CYP2F1: variants seen among roughly 807,000 people sequenced by gnomAD.
CYP2F1 encodes the protein cytochrome P450 2F1.
A neutral mutation model predicts 40.4 loss-of-function variants in CYP2F1; 33 were observed. That is an observed-to-expected ratio of 0.82 (90% confidence interval 0.62 to 1.09). CYP2F1 has a LOEUF of 1.09. Among genes scored for constraint, CYP2F1 ranks in the 50% least tolerant of loss-of-function variants. The pLI is 0.00. For synonymous variants in CYP2F1, 235 were observed against 277.2 expected, an observed-to-expected ratio of 0.85 and a Z score of 1.51; for missense variants, 566 against 655.7, an observed-to-expected ratio of 0.86 and a Z score of 1.49.
At chr19:41,123,044 C>T in intron 7 of CYP2F1, 81 bp downstream of exon 7, 10 of 1,490,386 alleles carry the variant, frequency 6.7e-6, no homozygotes, top group African/African-American at 4.2e-5. Flanking sequence ...GGCCCCGCCT[C>T]CCAGGTCTGA....
chr19:41,123,105 A>C (rs777262251), intron 7 of CYP2F1, 142 bp downstream of exon 7: 17 of 926,278 alleles, frequency 1.8e-5, no homozygotes, highest in Non-Finnish European at 2.7e-5. Flanking sequence ...ACAAACCCAC[A>C]CGGAGGCCGA....
At chr19:41,118,301 TGAAG>T (rs201818161) in intron 3 of CYP2F1, among the ~76,000 whole-genome samples, 217 of 151,392 alleles carry the variant, frequency 1.4e-3, no homozygotes, top group East Asian at 0.011. Flanking sequence ...AGGGAAAGAA[TGAAG>T]GAAGGAAGGA....
chr19:41,118,203 C>A (rs1000247990), intron 3 of CYP2F1, among the ~76,000 whole-genome samples: 45 of 151,272 alleles, frequency 3.0e-4, no homozygotes, highest in Non-Finnish European at 1.5e-5. Flanking sequence ...TGACAAGACC[C>A]AATAAATGAT....
At position 41,119,744 on chromosome 19, in the gene CYP2F1, TATATAC is replaced by T. The variant is rs1295046055; in HGVS notation, c.335-601_335-596del. Among the ~76,000 whole-genome samples the T allele has an allele frequency of 3.9e-4, 25 of 63,900 alleles. 1 individual carries two copies. The highest frequency in any genetic ancestry group is 1.2e-3 in the African/African-American group (21 of 17,486). The allele number at this position is 63,900 out of a possible 152,430, so 41.9% of individuals were successfully genotyped here. A position where few individuals can be genotyped will look rare whatever the true frequency, so the allele number is the denominator to read the frequency against. ...CTCTCTATATATATATATATATATATATATACACACACACACACACACACACACACA... is the reference window on the plus strand; with the variant it reads ...CTCTCTATATATATATATATATATATACACACACACACACACACACACACA... On this transcript the variant is annotated intron_variant, in intron 3 of 9. Coordinates refer to ENST00000331105, the MANE Select transcript of CYP2F1 (RefSeq NM_000774.5).
intron 4 of CYP2F1, among the ~76,000 whole-genome samples, chr19:41,121,195 T>C (rs1190486793): frequency 6.6e-6 from 1 of 152,110 alleles, no homozygotes; most frequent in Non-Finnish European, 1.5e-5. Flanking sequence ...GTGTGTTGTG[T>C]TGCCAAGAAT....
chr19:41,125,036 A>T, intron 8 of CYP2F1, 130 bp downstream of exon 8: 1 of 752,548 alleles, frequency 1.3e-6, no homozygotes, highest in South Asian at 1.9e-5. Flanking sequence ...CCCAAGCCCT[A>T]GCTACAGACA....
Position 41,122,841 on chromosome 19 carries a change from G to A in CYP2F1, c.842G>A (p.Ser281Asn). The change falls in exon 7 of 10, where the codon AGC (serine) becomes AAC (asparagine). Residue 281 changes from serine (S) to asparagine (N), a missense_variant. Around this residue, in one of 5 missense-constraint regions of CYP2F1, gnomAD observed 62 missense variants for 105.6 expected, o/e 0.59. Coordinates refer to ENST00000331105, the MANE Select transcript of CYP2F1 (RefSeq NM_000774.5). ...KMAEEKEDPL[S>N]HFHMDTLLMT... ...ATGCAGGAGAAGGAGGACCCACTGA[G>A]CCACTTCCACATGGATACCCTGCTG... 6.5e-7 allele frequency: 1 copy of A among 1,543,948 alleles called. No homozygotes were observed. The highest frequency in any genetic ancestry group is 8.7e-7 in the Non-Finnish European group (1 of 1,144,396).
chr19:41,128,005 G>T lies in CYP2F1; in HGVS notation c.1399G>T (p.Asp467Tyr). 5 of 1,613,352 alleles carry T rather than the reference G, an allele frequency of 3.1e-6. No individual in the cohort carries two copies. The South Asian group carries it at 5.5e-5, about 18-fold the overall frequency. Residue 467 changes from aspartate to tyrosine, a missense_variant, in exon 10 of 10, where the codon GAC (aspartate) becomes TAC (tyrosine). Transcript: ENST00000331105. The part of the protein sequence containing the change: ...FSLQPLGAPE[D>Y]IDLTPLSSGL... ...GCTGCAGCCGCTGGGTGCGCCCGAG[G>T]ACATCGACCTGACCCCACTCAGCTC... is the stretch of plus-strand genomic sequence containing the variant.
intron 4 of CYP2F1, 142 bp from the exon 5 acceptor site, chr19:41,121,316 T>C: frequency 2.4e-6 from 2 of 850,570 alleles, no homozygotes; most frequent in South Asian, 1.6e-5. Flanking sequence ...AAGCAGCATG[T>C]TGTGACCATG....
At chr19:41,127,196 G>A (rs2032577857) in intron 9 of CYP2F1, among the ~76,000 whole-genome samples, 1 of 152,164 alleles carries the variant, frequency 6.6e-6, no homozygotes, top group Admixed American at 6.5e-5. Flanking sequence ...ATAATACTAA[G>A]GCCTGCCTCT....
Position 41,122,350 on chromosome 19 carries a change from T to C in CYP2F1, c.822+217T>C, listed in dbSNP as rs373814277. 9.7e-3 allele frequency among the ~76,000 whole-genome samples: 1,475 copies of C among 151,660 alleles called. 18 individuals are homozygous for C. Among genetic ancestry groups the C allele is most frequent in the Non-Finnish European group, 0.014 (942 of 67,912 alleles). ...AGTCATCAAAGGAGGTGGGGCAGGG[T>C]GGAGGGGGCAGTTGCTCAGGCTTGT... is the stretch of plus-strand genomic sequence containing the variant. On this transcript the variant is annotated intron_variant, in intron 6 of 9. Transcript: ENST00000331105.
chr19:41,114,627 C>T (rs2031677281), intron 1 of CYP2F1, 135 bp downstream of exon 1: 1 of 152,200 alleles, frequency 6.6e-6, no homozygotes, highest in Non-Finnish European at 1.5e-5. Flanking sequence ...TCTCATGTCC[C>T]TGTTCTGAGC....
chr19:41,128,022 A>G lies in CYP2F1; in HGVS notation c.1416A>G (p.Pro472=), dbSNP rs199585359. The change falls in exon 10 of 10, where the codon CCA becomes CCG. Residue 472 remains proline, a synonymous_variant. Transcript: ENST00000331105. ...CGCCCGAGGACATCGACCTGACCCC[A>G]CTCAGCTCAGGTCTTGGCAATTTGC... ...LGAPEDIDLT[P]LSSGLGNLPR... is the part of the protein sequence containing the mutation. The G allele has an allele frequency of 5.1e-3, 8,201 of 1,605,808 alleles. 50 individuals are homozygous for G. Among genetic ancestry groups the G allele is most frequent in the Admixed American group, 6.1e-3 (362 of 59,800 alleles).
rs2032239103 is a variant in CYP2F1 at position 41,121,965 on chromosome 19, C to T, written c.654C>T (p.Asp218=). ...CTCTGTCTGGTCCCCAGTTGTACGA[C>T]ATCTTCCCGAGCCTCCTGGACTGGG... ...IMSSPWGELY[D]IFPSLLDWVP... The change falls in exon 6 of 10, where the codon GAC becomes GAT. Residue 218 remains aspartate (D), a synonymous_variant. Transcript: ENST00000331105. 2.5e-6 allele frequency: 4 copies of T among 1,613,368 alleles called. No homozygotes were observed. Among genetic ancestry groups the T allele is most frequent in the Non-Finnish European group, 3.4e-6 (4 of 1,179,702 alleles).
intron 1 of CYP2F1, 76 bp from the exon 2 acceptor site, chr19:41,116,102 G>A (rs1420659616): frequency 7.2e-7 from 1 of 1,384,242 alleles, no homozygotes; most frequent in African/African-American, 1.4e-5. Flanking sequence ...AGGGCCTAGG[G>A]AAGGTAAGTC....
chr19:41,122,987 G>A (rs765690510), intron 7 of CYP2F1, 24 bp downstream of exon 7: 20 of 1,603,146 alleles, frequency 1.2e-5, no homozygotes, highest in Admixed American at 6.9e-5. Flanking sequence ...ACACAGCAGC[G>A]TGGAGGTGCC....
At chr19:41,124,648 A>G in intron 7 of CYP2F1, 71 bp from the exon 8 acceptor site, 3 of 1,398,600 alleles carry the variant, frequency 2.1e-6, no homozygotes, top group South Asian at 2.6e-5. Flanking sequence ...ACACGCACAC[A>G]CCTCTTATCA....
chr19:41,121,901 G>C (rs1290346314), intron 5 of CYP2F1, 56 bp from the exon 6 acceptor site: 1 of 1,521,656 alleles, frequency 6.6e-7, no homozygotes, highest in Non-Finnish European at 9.0e-7. Context: ...GACCCCATTC[G>C]CCCCTGAACA....
chr19:41,121,948 G>C lies in CYP2F1; in HGVS notation c.646-9G>C, dbSNP rs370488986. Reference sequence around the variant, plus strand: ...CCTCCAAAACCCTCCTACTCTGTCTGGTCCCCAGTTGTACGACATCTTCCC... The same window carrying C: ...CCTCCAAAACCCTCCTACTCTGTCTCGTCCCCAGTTGTACGACATCTTCCC... On this transcript the variant is annotated splice_polypyrimidine_tract_variant and intron_variant, in intron 5 of 9. Coordinates refer to ENST00000331105, the MANE Select transcript of CYP2F1 (RefSeq NM_000774.5). The C allele has an allele frequency of 1.2e-6, 2 of 1,612,276 alleles. No individual in the cohort carries two copies. Among genetic ancestry groups the C allele is most frequent in the African/African-American group, 2.7e-5 (2 of 74,636 alleles).
Sources: allele counts gnomAD v4.1 joint callset (sites outside exome capture counted in the v4.1 genomes callset), GRCh38; gene constraint gnomAD v4.1.1; regional missense constraint gnomAD v4.1.1; transcripts MANE v1.5; gene names NCBI Gene and HGNC (gene_info 2026-07-23, HGNC 2026-07-21).